IGSF8: variants seen among roughly 807,000 people sequenced by gnomAD.
The protein encoded by IGSF8 is immunoglobulin superfamily member 8.
IGSF8 carries 46 observed loss-of-function variants against 55.5 expected under a neutral mutation model. That is an observed-to-expected ratio of 0.83 (90% CI 0.65 to 1.06). IGSF8 has a LOEUF of 1.06. Among genes scored for constraint, IGSF8 ranks in the 50% least tolerant of loss-of-function variants. The pLI is 0.00. For synonymous variants in IGSF8, 314 were observed against 356.1 expected (o/e 0.88, Z 1.33); for missense variants, 731 against 832.3 (o/e 0.88, Z 1.50).
intron 4 of IGSF8, 51 bp from the exon 5 acceptor site, chr1:160,092,746 G>C (rs770719034): frequency 3.2e-6 from 5 of 1,570,672 alleles, no homozygotes; most frequent in Middle Eastern, 1.7e-4. Flanking sequence ...GGGAGCATGG[G>C]GTTAGGGCTG....
intron 5 of IGSF8, 145 bp from the exon 6 acceptor site, chr1:160,092,083 G>A (rs1392866771): frequency 7.4e-6 from 6 of 813,728 alleles, no homozygotes; most frequent in Admixed American, 6.7e-5. Flanking sequence ...TGCCCCCTCA[G>A]CATGCAAGTC....
At chr1:160,098,033 G>A (rs1650558572) in intron 1 of IGSF8, 1 of 955,644 alleles carries the variant, frequency 1.0e-6, no homozygotes, top group African/African-American at 1.8e-5. Context: ...CACTGCCCTC[G>A]TAGGGCGGGC....
In IGSF8 at chr1:160,092,628, C is replaced by A. The variant is rs371227565; in HGVS notation, c.1380G>T (p.Leu460=). The A allele has an allele frequency of 6.2e-6, 10 of 1,604,362 alleles. No individual in the cohort carries two copies. The highest frequency in any genetic ancestry group is 8.5e-6 in the Non-Finnish European group (10 of 1,179,960). The stretch of plus-strand genomic sequence containing the variant: ...CACCCCGCACAGAGATGTTGCACAG[C>A]AGGGAGGCAGTCTCCCCGCGGTACA... ...GTVYRGETAS[L]LCNISVRGGP... The change falls in exon 5 of 7, where the codon CTG becomes CTT. Residue 460 remains leucine (L), a synonymous_variant. Transcript: ENST00000314485.
intron 1 of IGSF8, among the ~76,000 whole-genome samples, chr1:160,095,891 T>C (rs1650398439): frequency 6.6e-6 from 1 of 152,238 alleles, no homozygotes; most frequent in Admixed American, 6.5e-5. Flanking sequence ...TGGGGCAAGA[T>C]CCAGGCTCTG....
At chr1:160,097,477 G>A (rs972248636) in intron 1 of IGSF8, among the ~76,000 whole-genome samples, 2 of 152,146 alleles carry the variant, frequency 1.3e-5, no homozygotes, top group Admixed American at 6.5e-5. Context: ...TTCAGCCTCT[G>A]CCTTGACGAC....
Position 160,095,012 on chromosome 1 carries a change from A to G in IGSF8, c.299T>C (p.Val100Ala). The change falls in exon 2 of 7, where the codon GTG (valine) becomes GCG (alanine). Residue 100 changes from valine to alanine, a missense_variant. Physicochemically the swap from Val to Ala is moderately conservative, Grantham distance 64. Coordinates refer to ENST00000314485, the MANE Select transcript of IGSF8 (RefSeq NM_052868.6). The part of the protein sequence containing the change: ...VFKSRVVAGE[V>A]QVQRLQGDAV... ...ATCACCTTGTAGGCGCTGCACCTGC[A>G]CCTCACCCGCCACCACTCGGGACTT... The G allele has an allele frequency of 6.2e-7, 1 of 1,614,022 alleles. No homozygotes were observed. Among genetic ancestry groups the G allele is most frequent in the Non-Finnish European group, 8.5e-7 (1 of 1,180,004 alleles).
chr1:160,097,887 G>C (rs541907538), intron 1 of IGSF8: 121 of 985,338 alleles, frequency 1.2e-4, no homozygotes, highest in Middle Eastern at 5.2e-4. Context: ...GGGTGGAGAT[G>C]GGGGTGAGAG....
chr1:160,094,749 C>T lies in IGSF8; in HGVS notation c.442+120G>A. ...GGTGACTTTGTGCAAATCACTTAAC[C>T]TCTTTGGGCCTCAAGTTCCTTGGCT... On this transcript the variant is annotated intron_variant, in intron 2 of 6. Coordinates refer to ENST00000314485, the MANE Select transcript of IGSF8 (RefSeq NM_052868.6). The surrounding 1 kb of genome is among the most constrained non-coding windows in gnomAD (Gnocchi z 4.0). 1 of 1,111,270 alleles carries T rather than the reference C, an allele frequency of 9.0e-7. No individual in the cohort carries two copies. Among genetic ancestry groups the T allele is most frequent in the African/African-American group, 1.6e-5 (1 of 63,028 alleles). 68.8% of individuals were successfully genotyped at this position (1,111,270 alleles called of 1,614,324 possible). A position where few individuals can be genotyped will look rare whatever the true frequency, so the allele number is the denominator to read the frequency against.
At chr1:160,091,741 A>C in intron 6 of IGSF8, 67 bp downstream of exon 6, 1 of 989,498 alleles carries the variant, frequency 1.0e-6, no homozygotes, top group Admixed American at 1.7e-5. Flanking sequence ...GGGAGGGAGC[A>C]GCTTGGTTCA....
chr1:160,093,082 G>A lies in IGSF8; in HGVS notation c.1154C>T (p.Ala385Val), dbSNP rs565170986. Residue 385 changes from alanine (A) to valine (V), a missense_variant, in exon 4 of 7, where the codon GCA (alanine) becomes GTA (valine). Ala to Val is a moderately conservative substitution (Grantham distance 64). Transcript: ENST00000314485. ...TAGCCGTAGCCGGTATGTTCTGGAT[G>A]CCACCTTCTCCATGGCAATGTGTCG... ...EGRHIAMEKV[A>V]SRTYRLRLEA... 1.2e-6 allele frequency: 2 copies of A among 1,614,054 alleles called. No homozygotes were observed. The highest frequency in any genetic ancestry group is 1.7e-5 in the Admixed American group (1 of 60,028).
chr1:160,098,758 G>A, upstream of IGSF8: 1 of 289,636 alleles, frequency 3.5e-6, no homozygotes, highest in East Asian at 5.4e-5. Flanking sequence ...CCTTGGCCCT[G>A]CCTGCCCCAC....
At chr1:160,091,693 T>A in intron 6 of IGSF8, 85 bp from the exon 7 acceptor site, 1 of 712,120 alleles carries the variant, frequency 1.4e-6, no homozygotes, top group South Asian at 1.6e-5. Flanking sequence ...CAGGGCCCTG[T>A]GGATCTGAGC....
intron 1 of IGSF8, among the ~76,000 whole-genome samples, chr1:160,096,196 C>T (rs964103774): frequency 6.6e-6 from 1 of 152,106 alleles, no homozygotes; most frequent in Non-Finnish European, 1.5e-5. Flanking sequence ...GGGCTTAGCT[C>T]CTCCCTTCTT....
At position 160,092,685 on chromosome 1, in the gene IGSF8, C is replaced by T. The variant is rs1297318222; in HGVS notation, c.1323G>A (p.Leu441=). 6.3e-7 allele frequency: 1 copy of T among 1,599,790 alleles called. No homozygotes were observed. Among genetic ancestry groups the T allele is most frequent in the Non-Finnish European group, 8.5e-7 (1 of 1,179,878 alleles). ...CTCCTGCTAGCCATGCCACAGCCTC[C>T]AGCACCACACCTGCAGAACAAAGGA... is the stretch of plus-strand genomic sequence containing the variant. The part of the protein sequence containing the change: ...PVHVREEGVV[L]EAVAWLAGGT... Residue 441 remains leucine (L), a synonymous_variant, in exon 5 of 7, where the codon CTG becomes CTA. Transcript: ENST00000314485.
Position 160,092,377 on chromosome 1 carries a change from C to G in IGSF8, c.1631G>C (p.Cys544Ser), listed in dbSNP as rs1246983131. Residue 544 changes from cysteine to serine, a missense_variant, in exon 5 of 7, where the codon TGT becomes TCT. Physicochemically the swap from Cys to Ser is moderately radical, Grantham distance 112. Transcript: ENST00000314485. Reference sequence around the variant, plus strand: ...ATGCTGCACCCAGGCGCTGGGGGCACAGTGGTACACGCCTTCATCCTCGGG... The same window carrying G: ...ATGCTGCACCCAGGCGCTGGGGGCAGAGTGGTACACGCCTTCATCCTCGGG... The part of the protein sequence containing the change: ...LGPEDEGVYH[C>S]APSAWVQHAD... 1.2e-6 allele frequency: 2 copies of G among 1,613,328 alleles called. No homozygotes were observed. The highest frequency in any genetic ancestry group is 3.3e-5 in the Admixed American group (2 of 59,982).
At position 160,093,967 on chromosome 1, in the gene IGSF8, A is replaced by T; in HGVS notation, c.647T>A (p.Leu216Gln). ...VPEAPVGRST[L>Q]QEVVGIRSDL... is the part of the protein sequence containing the mutation. ...TGACCGGATTCCCACCACTTCCTGC[A>T]GAGTTGACCGCCCAACTGGTGCCTC... Residue 216 changes from leucine (L) to glutamine (Q), a missense_variant, in exon 3 of 7, where the codon CTG becomes CAG. Leu to Gln is a moderately radical substitution (Grantham distance 113). Transcript: ENST00000314485. 6.2e-7 allele frequency: 1 copy of T among 1,614,266 alleles called. No individual in the cohort carries two copies. The highest frequency in any genetic ancestry group is 8.5e-7 in the Non-Finnish European group (1 of 1,180,044).
chr1:160,096,887 C>T (rs1650471852), intron 1 of IGSF8, among the ~76,000 whole-genome samples: 1 of 152,232 alleles, frequency 6.6e-6, no homozygotes, highest in South Asian at 2.1e-4. Context: ...CCTTCCCTGA[C>T]TGCCTCAGGG....
Position 160,094,105 on chromosome 1 carries a change from G to T in IGSF8, c.509C>A (p.Ser170Ter). 6.2e-7 allele frequency: 1 copy of T among 1,611,136 alleles called. No homozygotes were observed. The highest frequency in any genetic ancestry group is 8.5e-7 in the Non-Finnish European group (1 of 1,180,010). Residue 170 changes from serine (S) to a stop codon, truncating the protein, a stop_gained, in exon 3 of 7, where the codon TCA (serine) becomes TAA (stop). Coordinates refer to ENST00000314485, the MANE Select transcript of IGSF8 (RefSeq NM_052868.6). LOFTEE classifies it high-confidence loss of function. The surrounding 1 kb of genome is among the most constrained non-coding windows in gnomAD (Gnocchi z 4.0). ...PGPRGRQAPT[S>*]PPRMTVHEGQ... Reference sequence around the variant, plus strand: ...CTCATGCACCGTCATGCGTGGGGGTGAGGTTGGGGCCTGGCGGCCTCGGGG... The same window carrying T: ...CTCATGCACCGTCATGCGTGGGGGTTAGGTTGGGGCCTGGCGGCCTCGGGG...
At chr1:160,098,332 C>A in intron 1 of IGSF8, 77 bp downstream of exon 1, 1 of 1,516,012 alleles carries the variant, frequency 6.6e-7, no homozygotes, top group Non-Finnish European at 8.9e-7. Context: ...TGTGAGGAGC[C>A]CCGAAATGCT....
Sources: gnomAD v4.1 joint callset for allele counts (sites outside exome capture counted in the v4.1 genomes callset) on GRCh38, gnomAD v4.1.1 for gene constraint, Gnocchi (gnomAD v3.1) non-coding constraint, MANE v1.5 for transcripts, NCBI Gene and HGNC (gene_info 2026-07-23, HGNC 2026-07-21) for gene names.